ABCA12: variants seen among roughly 807,000 people sequenced by gnomAD.
ABCA12 encodes glucosylceramide transporter ABCA12.
Under a neutral mutation model 293.5 loss-of-function variants are expected in ABCA12, and 156 were observed. That is an observed-to-expected ratio of 0.53 (90% CI 0.47 to 0.61). The LOEUF (loss-of-function observed/expected upper bound fraction) is 0.61. Among genes scored for constraint, ABCA12 ranks in the 20% least tolerant of loss-of-function variants. The probability of loss-of-function intolerance (pLI) is 0.00; values close to 1 mark genes in which losing one functional copy is unlikely to be tolerated. For missense variants in ABCA12, 2,797 were observed against 3,090.2 expected (o/e 0.91, Z 2.25); for synonymous variants, 1,063 against 1,108.0 (o/e 0.96, Z 0.81).
chr2:215,043,026 C>T (rs1249569026), intron 7 of ABCA12, among the ~76,000 whole-genome samples: 1 of 152,112 alleles, frequency 6.6e-6, no homozygotes, highest in Non-Finnish European at 1.5e-5. Context: ...TTTACATTCC[C>T]ACCAAGAGTG....
chr2:215,118,335 G>A (rs922657837), intron 1 of ABCA12, among the ~76,000 whole-genome samples: 1 of 152,080 alleles, frequency 6.6e-6, no homozygotes, highest in Non-Finnish European at 1.5e-5. Context: ...CCAAGAGATG[G>A]AGGTTGCAGC....
intron 2 of ABCA12, among the ~76,000 whole-genome samples, chr2:215,075,933 G>C (rs1701825385): frequency 6.6e-6 from 1 of 152,146 alleles, no homozygotes; most frequent in African/African-American, 2.4e-5. Context: ...TTCAACAGAT[G>C]GTCTATTCAC....
chr2:214,935,775 C>G (rs891406407), intron 51 of ABCA12, among the ~76,000 whole-genome samples: 1 of 152,048 alleles, frequency 6.6e-6, no homozygotes, highest in Non-Finnish European at 1.5e-5. Flanking sequence ...CCAGCCTGGG[C>G]AACATAGCGA....
chr2:215,132,543 T>C (rs1703083219), intron 1 of ABCA12, among the ~76,000 whole-genome samples: 1 of 151,986 alleles, frequency 6.6e-6, no homozygotes, highest in South Asian at 2.1e-4. Context: ...TTTTATCTAA[T>C]ATGAGAATGG....
In ABCA12 at chr2:214,958,334, C is replaced by T. The variant is rs770604844; in HGVS notation, c.6060G>A (p.Gln2020=). The change falls in exon 41 of 53, where the codon CAG becomes CAA. Residue 2020 remains glutamine, a synonymous_variant. Transcript: ENST00000272895. The part of the protein sequence containing the change: ...REHQTKAKQL[Q]HISGIGVTCY... ...ATGTCACGCCAATGCCTGAAATGTG[C>T]TGCAACTGTTTGGCTTTGGTTTGAT... 7 of 1,614,020 alleles carry T rather than the reference C, an allele frequency of 4.3e-6. No individual in the cohort carries two copies. The East Asian group carries it at 8.9e-5, about 21-fold the overall frequency.
At chr2:215,066,984 T>C (rs1701652034) in intron 2 of ABCA12, among the ~76,000 whole-genome samples, 2 of 152,170 alleles carry the variant, frequency 1.3e-5, no homozygotes, top group Non-Finnish European at 2.9e-5. Flanking sequence ...TACTTTCTCA[T>C]ATACATGAAC....
chr2:215,055,152 T>C (rs1701395301), intron 3 of ABCA12, among the ~76,000 whole-genome samples: 2 of 152,070 alleles, frequency 1.3e-5, no homozygotes, highest in African/African-American at 4.8e-5. Context: ...GGCCAAACAT[T>C]TATTGAATAC....
chr2:214,939,341 T>C (rs1698322619), intron 50 of ABCA12, among the ~76,000 whole-genome samples: 1 of 152,220 alleles, frequency 6.6e-6, no homozygotes, highest in Non-Finnish European at 1.5e-5. Context: ...TTGGTACCAG[T>C]ATCATGCTGT....
rs1403619842 is a variant in ABCA12 at position 215,011,565 on chromosome 2, T to C, written c.2206A>G (p.Thr736Ala). The C allele has an allele frequency of 6.2e-7, 1 of 1,613,964 alleles. No homozygotes were observed. The highest frequency in any genetic ancestry group is 8.5e-7 in the Non-Finnish European group (1 of 1,179,946). ...GGCAGCATGGCAGTTAAATATTCAG[T>C]GGTAATTCCTTGAGAACATAATGCT... is the stretch of plus-strand genomic sequence containing the variant. ...SQALCSQGIT[T>A]EYLTAMLPSS... Residue 736 changes from threonine to alanine, a missense_variant, in exon 17 of 53, where the codon ACT becomes GCT. Physicochemically the swap from Thr to Ala is moderately conservative, Grantham distance 58. Coordinates refer to ENST00000272895, the MANE Select transcript of ABCA12 (RefSeq NM_173076.3).
At chr2:215,123,960 A>C (rs1386584767) in intron 1 of ABCA12, among the ~76,000 whole-genome samples, 1 of 152,060 alleles carries the variant, frequency 6.6e-6, no homozygotes, top group East Asian at 1.9e-4. Flanking sequence ...CCATTGCATC[A>C]TTCTTATGCC....
chr2:215,002,636 TA>T (rs1307091711), intron 20 of ABCA12, among the ~76,000 whole-genome samples: 1 of 152,200 alleles, frequency 6.6e-6, no homozygotes, highest in Non-Finnish European at 1.5e-5. Context: ...CATTAGAATT[TA>T]AAGTGAAATG....
At chr2:214,959,397 T>G (rs1699050380) in intron 39 of ABCA12, among the ~76,000 whole-genome samples, 1 of 152,138 alleles carries the variant, frequency 6.6e-6, no homozygotes, top group Non-Finnish European at 1.5e-5. Flanking sequence ...TTTCCTTCTA[T>G]CTGGTCATAT....
intron 41 of ABCA12, among the ~76,000 whole-genome samples, chr2:214,957,791 T>G (rs1448047627): frequency 6.6e-6 from 1 of 152,210 alleles, no homozygotes; most frequent in Non-Finnish European, 1.5e-5. Context: ...CTACTAATCT[T>G]CTCTAATGTG....
chr2:215,072,179 C>A (rs1368510820), intron 2 of ABCA12, among the ~76,000 whole-genome samples: 1 of 152,140 alleles, frequency 6.6e-6, no homozygotes, highest in Non-Finnish European at 1.5e-5. Context: ...CAAGAACAAA[C>A]CTTGGGTCAT....
At position 215,125,978 on chromosome 2, in the gene ABCA12, G is replaced by A. The variant is rs528694313; in HGVS notation, c.69+12162C>T. The stretch of plus-strand genomic sequence containing the variant: ...CATTAAGGTATGTCCCTTGTATGCC[G>A]ATTTTGCCATGAGTTTTCATCACAA... On this transcript the variant is annotated intron_variant, in intron 1 of 52. Coordinates refer to ENST00000272895, the MANE Select transcript of ABCA12 (RefSeq NM_173076.3). 5.9e-5 allele frequency among the ~76,000 whole-genome samples: 9 copies of A among 152,088 alleles called. No individual in the cohort carries two copies. In the South Asian group the frequency reaches 1.5e-3, roughly 25 times the overall value.
At chr2:215,052,656 C>A in intron 4 of ABCA12, 72 bp from the exon 5 acceptor site, 1 of 1,269,370 alleles carries the variant, frequency 7.9e-7, no homozygotes, top group South Asian at 1.2e-5. Flanking sequence ...CATGAGAATC[C>A]ATAAACATCA....
rs1700384709 is a variant in ABCA12 at position 215,011,919 on chromosome 2, A to G, written c.2121+52T>C. On this transcript the variant is annotated intron_variant, in intron 16 of 52. Coordinates refer to ENST00000272895, the MANE Select transcript of ABCA12 (RefSeq NM_173076.3). ...GAAGCTGAATGTATTATAACTACTC[A>G]ATATGACAGAAGGCATTTTTCAACA... 23 of 1,573,384 alleles carry G rather than the reference A, an allele frequency of 1.5e-5. 1 individual carries two copies. The South Asian group carries it at 2.6e-4, about 17-fold the overall frequency.
intron 1 of ABCA12, among the ~76,000 whole-genome samples, chr2:215,133,059 T>C (rs1430963553): frequency 6.6e-6 from 1 of 151,804 alleles, no homozygotes; most frequent in Non-Finnish European, 1.5e-5. Flanking sequence ...CCTCATCTTT[T>C]CCGTTACAGG....
rs1227637937 is a variant in ABCA12 at position 215,134,428 on chromosome 2, A to ATGTG, written c.69+3711_69+3712insCACA. ...TATATGTATATATGTACATATATGT[A>ATGTG]TATGTGTATATATACGTATATATGT... On this transcript the variant is annotated intron_variant, in intron 1 of 52. Transcript: ENST00000272895. Among the ~76,000 whole-genome samples, 591 of 138,748 alleles carry ATGTG rather than the reference A, an allele frequency of 4.3e-3. 33 individuals carry two copies. Among genetic ancestry groups the ATGTG allele is most frequent in the African/African-American group, 4.5e-3 (168 of 37,020 alleles). The allele number at this position is 138,748 out of a possible 152,430, so 91.0% of individuals were successfully genotyped here. A position where few individuals can be genotyped will look rare whatever the true frequency, so the allele number is the denominator to read the frequency against.
Sources: allele counts gnomAD v4.1 joint callset (sites outside exome capture counted in the v4.1 genomes callset), GRCh38; gene constraint gnomAD v4.1.1; transcripts MANE v1.5; gene names NCBI Gene and HGNC (gene_info 2026-07-23, HGNC 2026-07-21).